Variants in RNF169 observed in about 807,000 individuals in gnomAD.
The protein encoded by RNF169 is ring finger protein 169, also known as E3 ubiquitin-protein ligase RNF169.
A neutral mutation model predicts 53.9 loss-of-function variants in RNF169; 24 were observed. The observed-to-expected ratio is 0.45, with a 90% confidence interval of 0.32 to 0.63. The LOEUF (loss-of-function observed/expected upper bound fraction) is 0.63. RNF169 is among the 20% of genes least tolerant of loss of function. The pLI, the probability that RNF169 is intolerant of heterozygous loss-of-function variation, is 0.04. For synonymous variants in RNF169, 396 were observed against 363.5 expected (o/e 1.09, Z -1.02); for missense variants, 883 against 906.2 (o/e 0.97, Z 0.33).
At position 74,836,589 on chromosome 11, in the gene RNF169, G is replaced by A. The variant is rs1453046815; in HGVS notation, c.1986G>A (p.Lys662=). The change falls in exon 6 of 6, where the codon AAG becomes AAA. Residue 662 remains lysine (K), a synonymous_variant. Transcript: ENST00000299563. ...TDPVLREMEQ[K]LQQEEEDRQL... ...CAGTCCTGCGAGAGATGGAGCAGAA[G>A]CTTCAGCAAGAGGAAGAAGACCGAC... 6.2e-7 allele frequency: 1 copy of A among 1,614,156 alleles called. No homozygotes were observed. The highest frequency in any genetic ancestry group is 1.7e-5 in the Admixed American group (1 of 60,026).
chr11:74,754,118 C>T (rs1448096286), intron 1 of RNF169, among the ~76,000 whole-genome samples: 2 of 152,172 alleles, frequency 1.3e-5, no homozygotes, highest in Non-Finnish European at 2.9e-5. Flanking sequence ...TGTGTCTACT[C>T]TGTGCCAGGT....
intron 3 of RNF169, among the ~76,000 whole-genome samples, chr11:74,816,239 T>A (rs918920931): frequency 6.6e-6 from 1 of 152,250 alleles, no homozygotes; most frequent in African/African-American, 2.4e-5. Flanking sequence ...GATCATTAGA[T>A]AATTGGTTAA....
At chr11:74,764,711 G>A (rs474431) in intron 1 of RNF169, among the ~76,000 whole-genome samples, 52,169 of 152,020 alleles carry the variant, frequency 0.34, 10,967 homozygotes, top group African/African-American at 0.6. Flanking sequence ...GACTAAGCCA[G>A]TGTTGACTGT....
intron 2 of RNF169, among the ~76,000 whole-genome samples, chr11:74,797,266 C>A (rs1022740954): frequency 6.6e-6 from 1 of 152,116 alleles, no homozygotes; most frequent in African/African-American, 2.4e-5. Flanking sequence ...TAACTTACTG[C>A]CTTGAACTGT....
chr11:74,762,279 C>G (rs1007286449), intron 1 of RNF169, among the ~76,000 whole-genome samples: 2 of 151,154 alleles, frequency 1.3e-5, no homozygotes, highest in East Asian at 1.9e-4. Flanking sequence ...GTAATTTGAT[C>G]GTCTGAAGCC....
intron 2 of RNF169, among the ~76,000 whole-genome samples, chr11:74,796,808 G>T (rs2035655396): frequency 6.6e-6 from 1 of 152,160 alleles, no homozygotes; most frequent in Non-Finnish European, 1.5e-5. Context: ...CTTTGGATTG[G>T]TTTCTCGACC....
At chr11:74,758,863 G>T (rs1479181714) in intron 1 of RNF169, among the ~76,000 whole-genome samples, 1 of 150,772 alleles carries the variant, frequency 6.6e-6, no homozygotes, top group Non-Finnish European at 1.5e-5. Context: ...TTGGTAGCTT[G>T]ATGGGGATGG....
chr11:74,812,802 G>A (rs2035891618), intron 3 of RNF169, among the ~76,000 whole-genome samples: 1 of 152,092 alleles, frequency 6.6e-6, no homozygotes, highest in African/African-American at 2.4e-5. Context: ...TCACTCTCCT[G>A]TCCCCCAAAT....
chr11:74,808,950 A>G lies in RNF169; in HGVS notation c.577-1234A>G, dbSNP rs780601834. Among the ~76,000 whole-genome samples, 140 of 152,262 alleles carry G rather than the reference A, an allele frequency of 9.2e-4. 2 individuals are homozygous for G. Among genetic ancestry groups the G allele is most frequent in the Admixed American group, 6.9e-3 (106 of 15,284 alleles). Reference sequence around the variant, plus strand: ...TTTTTTATTTTAATCTCCTCCTGGCATAGCATTGTGTTTGGTGTTCTTTGC... The same window carrying G: ...TTTTTTATTTTAATCTCCTCCTGGCGTAGCATTGTGTTTGGTGTTCTTTGC... On this transcript the variant is annotated intron_variant, in intron 2 of 5. Transcript: ENST00000299563.
At chr11:74,771,538 C>A (rs932012807) in intron 1 of RNF169, among the ~76,000 whole-genome samples, 2 of 142,378 alleles carry the variant, frequency 1.4e-5, no homozygotes, top group African/African-American at 5.3e-5. Context: ...ACCCTTGTCT[C>A]TACAAAAGTA....
At chr11:74,750,018 A>G (rs1048227254) in intron 1 of RNF169, among the ~76,000 whole-genome samples, 4 of 152,210 alleles carry the variant, frequency 2.6e-5, no homozygotes, top group African/African-American at 9.7e-5. Context: ...AGTGCCTGAC[A>G]GAAAAGCTGG....
At chr11:74,763,584 G>T (rs2035124281) in intron 1 of RNF169, among the ~76,000 whole-genome samples, 1 of 152,110 alleles carries the variant, frequency 6.6e-6, no homozygotes, top group Admixed American at 6.5e-5. Context: ...TTAAACAATA[G>T]TTTACACAGA....
chr11:74,762,912 C>T (rs542658795), intron 1 of RNF169, among the ~76,000 whole-genome samples: 61 of 152,090 alleles, frequency 4.0e-4, no homozygotes, highest in Non-Finnish European at 6.9e-4. Context: ...TTCAGGTGTT[C>T]TCTTCCTAGC....
chr11:74,829,168 TA>T (rs1030730320), intron 4 of RNF169, among the ~76,000 whole-genome samples: 1 of 151,890 alleles, frequency 6.6e-6, no homozygotes, highest in Non-Finnish European at 1.5e-5. Context: ...GCCACCCCAG[TA>T]AAAAGTGGAC....
chr11:74,788,282 TTTATA>T (rs1243563873), intron 1 of RNF169, among the ~76,000 whole-genome samples: 2 of 145,408 alleles, frequency 1.4e-5, no homozygotes, highest in Non-Finnish European at 3.0e-5. Flanking sequence ...TCATTGGGGG[TTTATA>T]TATACATAAA....
At chr11:74,826,931 G>A (rs1360683607) in intron 4 of RNF169, among the ~76,000 whole-genome samples, 1 of 152,130 alleles carries the variant, frequency 6.6e-6, no homozygotes, top group Non-Finnish European at 1.5e-5. Flanking sequence ...GAGTGTCTAT[G>A]GCTTTTTTAG....
intron 2 of RNF169, among the ~76,000 whole-genome samples, chr11:74,799,939 A>G (rs564183475): frequency 6.6e-6 from 1 of 151,038 alleles, no homozygotes; most frequent in East Asian, 1.9e-4. Context: ...CACATTATGC[A>G]TGCCACTTTT....
At chr11:74,764,991 C>G (rs76769297) in intron 1 of RNF169, among the ~76,000 whole-genome samples, 3,619 of 152,186 alleles carry the variant, frequency 0.024, 123 homozygotes, top group African/African-American at 0.083. Context: ...GTGGGAGGAT[C>G]ATTTGAGTCC....
intron 2 of RNF169, among the ~76,000 whole-genome samples, chr11:74,790,949 C>T (rs1390384930): frequency 3.9e-5 from 6 of 152,248 alleles, no homozygotes; most frequent in Admixed American, 6.5e-5. Flanking sequence ...GGACGTGTTT[C>T]AGCCGTTTGT....
Sources: allele counts gnomAD v4.1 joint callset (sites outside exome capture counted in the v4.1 genomes callset), GRCh38; gene constraint gnomAD v4.1.1; transcripts MANE v1.5; gene names NCBI Gene and HGNC (gene_info 2026-07-23, HGNC 2026-07-21).